Variants in VSX2 observed in about 807,000 individuals in gnomAD.
VSX2 encodes ceh-10 homeo domain containing homolog.
A neutral mutation model predicts 32.1 loss-of-function variants in VSX2; 28 were observed. The ratio of observed to expected loss-of-function variants is 0.87; its 90% CI spans 0.65 to 1.20. The LOEUF is 1.20. VSX2 is among the 50% of genes most tolerant of loss of function. VSX2 has a pLI of 0.00. For synonymous variants in VSX2, 243 were observed against 214.1 expected (o/e 1.14, Z -1.18); for missense variants, 506 against 488.7 (o/e 1.04, Z -0.33).
At chr14:74,240,709 G>A (rs564954746) in intron 1 of VSX2, among the ~76,000 whole-genome samples, 1 of 152,316 alleles carries the variant, frequency 6.6e-6, no homozygotes, top group South Asian at 2.1e-4. Flanking sequence ...CCTCGAGTAG[G>A]GACGCATTGT....
In VSX2 at chr14:74,259,780, T is replaced by G. The variant is rs754747108; in HGVS notation, c.758T>G (p.Leu253Arg). The change falls in exon 4 of 5, where the codon CTG (leucine) becomes CGG (arginine). Residue 253 changes from leucine (L) to arginine (R), a missense_variant and splice_region_variant. By Grantham distance (102) the Leu-to-Arg change is moderately radical (BLOSUM62 -2). Coordinates refer to ENST00000261980, the MANE Select transcript of VSX2 (RefSeq NM_182894.3). ...ATGGACTCCTGTGCCCCGTGGCTAC[T>G]GGGTAAGAGCCCGCACCCTCCTTGG... ...GIMDSCAPWLLGMHKKSLEAA... is the reference protein window; with the variant it reads ...GIMDSCAPWLRGMHKKSLEAA... 34 of 1,605,508 alleles carry G rather than the reference T, an allele frequency of 2.1e-5. No individual in the cohort carries two copies. In the Admixed American group the frequency reaches 4.8e-4, roughly 22 times the overall value.
rs1019104506 is a variant in VSX2 at position 74,246,202 on chromosome 14, G to A, written c.579+914G>A. On this transcript the variant is annotated intron_variant, in intron 3 of 4. Coordinates refer to ENST00000261980, the MANE Select transcript of VSX2 (RefSeq NM_182894.3). ...TGAAAGCTGCTCCCATCGCCTGAGCGGTCCAGAGCTAGTTCATTGCGGAGG... is the reference window on the plus strand; with the variant it reads ...TGAAAGCTGCTCCCATCGCCTGAGCAGTCCAGAGCTAGTTCATTGCGGAGG... Among the ~76,000 whole-genome samples, 9 of 152,338 alleles carry A rather than the reference G, an allele frequency of 5.9e-5. 1 individual carries two copies. The South Asian group carries it at 1.0e-3, about 18-fold the overall frequency.
chr14:74,240,347 C>G (rs977751381), intron 1 of VSX2, among the ~76,000 whole-genome samples: 1 of 152,202 alleles, frequency 6.6e-6, no homozygotes, highest in East Asian at 1.9e-4. Context: ...GTTCCGGCTC[C>G]GGCCCCATCC....
At chr14:74,255,479 G>A (rs1441912169) in intron 3 of VSX2, among the ~76,000 whole-genome samples, 4 of 152,206 alleles carry the variant, frequency 2.6e-5, no homozygotes, top group Non-Finnish European at 5.9e-5. Flanking sequence ...TCTGGTTTGA[G>A]CGACCAGCTG....
intron 3 of VSX2, among the ~76,000 whole-genome samples, chr14:74,247,664 A>G (rs531289550): frequency 5.9e-5 from 9 of 152,322 alleles, no homozygotes; most frequent in African/African-American, 2.2e-4. Context: ...GAAAGCCCAC[A>G]GTGGCACTGC....
chr14:74,248,148 C>A (rs1266528565), intron 3 of VSX2, among the ~76,000 whole-genome samples: 1 of 151,952 alleles, frequency 6.6e-6, no homozygotes, highest in African/African-American at 2.4e-5. Flanking sequence ...CTGAGCCAGC[C>A]CCCTCCCAGC....
At chr14:74,251,033 G>A (rs1463016925) in intron 3 of VSX2, among the ~76,000 whole-genome samples, 1 of 152,028 alleles carries the variant, frequency 6.6e-6, no homozygotes, top group East Asian at 1.9e-4. Flanking sequence ...AAACATCTTC[G>A]GCAGGTCACA....
intron 3 of VSX2, 65 bp from the exon 4 acceptor site, chr14:74,259,537 G>A (rs1247708108): frequency 1.2e-6 from 2 of 1,600,378 alleles, no homozygotes; most frequent in Non-Finnish European, 1.7e-6. Flanking sequence ...AAGCCTACAA[G>A]GGGTAAGGGC....
intron 3 of VSX2, among the ~76,000 whole-genome samples, chr14:74,252,611 G>A (rs1023385573): frequency 2.6e-5 from 4 of 151,674 alleles, no homozygotes; most frequent in Non-Finnish European, 4.4e-5. Context: ...GGGTGGTCTC[G>A]ATATCTTGGC....
intron 2 of VSX2, among the ~76,000 whole-genome samples, chr14:74,244,959 T>TGTGTGTGAGAGAGAGAGAGAGAGAAA (rs1555387793): frequency 4.2e-5 from 4 of 95,228 alleles, no homozygotes; most frequent in African/African-American, 1.8e-4. Flanking sequence ...TGTGTGTGTG[T>TGTGTGTGAGAGAGAGAGAGAGAGAAA]GTGTGTGTGT....
chr14:74,257,515 G>A (rs1481625022), intron 3 of VSX2, among the ~76,000 whole-genome samples: 2 of 152,264 alleles, frequency 1.3e-5, no homozygotes, highest in Non-Finnish European at 2.9e-5. Flanking sequence ...ATGAATAAAG[G>A]CCAGAGGACA....
intron 2 of VSX2, among the ~76,000 whole-genome samples, 186 bp downstream of exon 2, chr14:74,241,452 AG>A (rs1462689483): frequency 6.6e-6 from 1 of 152,232 alleles, no homozygotes; most frequent in African/African-American, 2.4e-5. Flanking sequence ...GCACCGGTTG[AG>A]CAGGATGAGT....
intron 3 of VSX2, among the ~76,000 whole-genome samples, chr14:74,257,359 C>G (rs1176897614): frequency 6.6e-6 from 1 of 152,376 alleles, no homozygotes; most frequent in African/African-American, 2.4e-5. Context: ...TCCCAGCCCC[C>G]CAGTTTTGCG....
intron 3 of VSX2, among the ~76,000 whole-genome samples, chr14:74,252,844 T>C (rs1203161488): frequency 6.6e-6 from 1 of 150,930 alleles, no homozygotes; most frequent in Non-Finnish European, 1.5e-5. Context: ...AGGTCAGGGG[T>C]TCGAGACCAG....
chr14:74,240,033 G>A (rs950540851), intron 1 of VSX2, 102 bp downstream of exon 1: 34 of 1,458,772 alleles, frequency 2.3e-5, no homozygotes, highest in Non-Finnish European at 3.1e-5. Context: ...AGGCGGAAAA[G>A]TTCCTGCCAG....
rs1419017308 is a variant in VSX2 at position 74,260,817 on chromosome 14, C to A, written c.984C>A (p.Asp328Glu). 6.4e-7 allele frequency: 1 copy of A among 1,568,342 alleles called. No homozygotes were observed. Among genetic ancestry groups the A allele is most frequent in the Non-Finnish European group, 8.6e-7 (1 of 1,156,664 alleles). ...TGCTGGGGACTGTGTCTGGGCCGGACAGCCTGGCCCGGAGTACCGAGAAGC... is the reference window on the plus strand; with the variant it reads ...TGCTGGGGACTGTGTCTGGGCCGGAAAGCCTGGCCCGGAGTACCGAGAAGC... ...TKVLGTVSGP[D>E]SLARSTEKPE... is the part of the protein sequence containing the mutation. The change falls in exon 5 of 5, where the codon GAC (aspartate) becomes GAA (glutamate). Residue 328 changes from aspartate to glutamate, a missense_variant. Asp to Glu is a conservative substitution (Grantham distance 45). Transcript: ENST00000261980.
intron 1 of VSX2, among the ~76,000 whole-genome samples, chr14:74,240,597 C>T (rs1418791726): frequency 1.3e-5 from 2 of 152,194 alleles, no homozygotes; most frequent in African/African-American, 4.8e-5. Flanking sequence ...GCTCGAACCT[C>T]CGATTCCTGT....
chr14:74,241,426 G>T (rs147239481), intron 2 of VSX2, among the ~76,000 whole-genome samples, 160 bp downstream of exon 2: 2,556 of 152,358 alleles, frequency 0.017, 78 homozygotes, highest in Admixed American at 0.084. Flanking sequence ...GAATCTGCCC[G>T]GGGGCCTTGG....
At position 74,239,767 on chromosome 14, in the gene VSX2, GC is replaced by G. The variant is rs1409419238; in HGVS notation, c.210del (p.Ala71ArgfsTer70). The G allele has an allele frequency of 1.9e-6, 3 of 1,554,544 alleles. No homozygotes were observed. The highest frequency in any genetic ancestry group is 2.6e-6 in the Non-Finnish European group (3 of 1,150,072). On this transcript the variant is annotated frameshift_variant, in exon 1 of 5. Transcript: ENST00000261980. LOFTEE classifies it high-confidence loss of function. ...TTGCTGGCGGCGCGCTCAGTGCTCA[GC>G]CCCGCGGGGGTGGGCGGCATGGGGC... ...GHLLAARSVL[S>X]PAGVGGMGLL...
Sources: allele counts gnomAD v4.1 joint callset (sites outside exome capture counted in the v4.1 genomes callset), GRCh38; gene constraint gnomAD v4.1.1; transcripts MANE v1.5; gene names NCBI Gene and HGNC (gene_info 2026-07-23, HGNC 2026-07-21).